The following SLC26A8 variants were observed in gnomAD, a reference collection of about 807,000 sequenced individuals.
SLC26A8 encodes the protein testis anion transporter 1.
Under a neutral mutation model 105.0 loss-of-function variants are expected in SLC26A8, and 70 were observed. The ratio of observed to expected loss-of-function variants is 0.67; its 90% CI spans 0.55 to 0.81. The LOEUF is 0.81. Ranked by LOEUF, SLC26A8 falls within the 40% of genes least tolerant of loss-of-function variation. SLC26A8 has a pLI of 0.00. For missense variants in SLC26A8, 998 were observed against 1,181.8 expected (o/e 0.84, Z 2.28); for synonymous variants, 415 against 438.3 (o/e 0.95, Z 0.66).
intron 3 of SLC26A8, among the ~76,000 whole-genome samples, chr6:36,000,418 C>T (rs1015968073): frequency 8.5e-5 from 13 of 152,154 alleles, no homozygotes; most frequent in African/African-American, 2.4e-4. Flanking sequence ...CTAATTCCAA[C>T]AGCTCAAAAG....
chr6:36,010,238 T>C (rs1453763272), intron 3 of SLC26A8, among the ~76,000 whole-genome samples: 1 of 152,202 alleles, frequency 6.6e-6, no homozygotes, highest in Non-Finnish European at 1.5e-5. Flanking sequence ...ATCCATATAG[T>C]AGAATATTAC....
At chr6:35,953,073 A>G (rs1042769475) in intron 17 of SLC26A8, among the ~76,000 whole-genome samples, 3 of 151,896 alleles carry the variant, frequency 2.0e-5, no homozygotes, top group African/African-American at 7.3e-5. Flanking sequence ...CCAGTTTTCA[A>G]TTATAAAGTA....
chr6:35,987,075 C>T (rs1773550971), intron 7 of SLC26A8, among the ~76,000 whole-genome samples: 1 of 152,134 alleles, frequency 6.6e-6, no homozygotes, highest in Non-Finnish European at 1.5e-5. Flanking sequence ...GAATTAATAG[C>T]TTTTCAAACA....
rs116146081 is a variant in SLC26A8 at position 36,012,349 on chromosome 6, C to T, written c.212G>A (p.Arg71Gln). The T allele has an allele frequency of 1.8e-4, 292 of 1,596,930 alleles. 1 individual carries two copies. Among genetic ancestry groups the T allele is most frequent in the Admixed American group, 3.6e-4 (20 of 55,210 alleles). ...GAAGGGAAAGATTGTAAGCACGCATCGTAGGAACCTGTGCCATGAGCAGCT... is the reference window on the plus strand; with the variant it reads ...GAAGGGAAAGATTGTAAGCACGCATTGTAGGAACCTGTGCCATGAGCAGCT... Reference protein sequence around the residue: ...QCRCSWHRFLRCVLTIFPFLE... With the variant: ...QCRCSWHRFLQCVLTIFPFLE... Residue 71 changes from arginine to glutamine, a missense_variant, in exon 3 of 20, where the codon CGA (arginine) becomes CAA (glutamine). Transcript: ENST00000490799.
At chr6:35,997,629 T>A (rs751546195) in intron 5 of SLC26A8, 109 bp downstream of exon 5, 4 of 1,123,370 alleles carry the variant, frequency 3.6e-6, no homozygotes, top group African/African-American at 1.6e-5. Context: ...AATAAATCAC[T>A]GAAGTTCCAG....
chr6:35,998,565 A>G (rs1761427421), intron 4 of SLC26A8, among the ~76,000 whole-genome samples: 1 of 151,864 alleles, frequency 6.6e-6, no homozygotes, highest in East Asian at 1.9e-4. Flanking sequence ...CAAAAAAAAA[A>G]AAAGAAAAGA....
At chr6:35,946,795 C>G (rs1771692022) in intron 19 of SLC26A8, among the ~76,000 whole-genome samples, 1 of 152,034 alleles carries the variant, frequency 6.6e-6, no homozygotes, top group African/African-American at 2.4e-5. Flanking sequence ...TCAAGCAATC[C>G]TCCTGCCTCA....
At chr6:35,996,547 A>T (rs1163484966) in intron 5 of SLC26A8, among the ~76,000 whole-genome samples, 1 of 151,874 alleles carries the variant, frequency 6.6e-6, no homozygotes, top group Non-Finnish European at 1.5e-5. Flanking sequence ...CATTATTTTT[A>T]TTATTATTAT....
At chr6:36,004,292 T>C (rs1761618534) in intron 3 of SLC26A8, among the ~76,000 whole-genome samples, 1 of 151,844 alleles carries the variant, frequency 6.6e-6, no homozygotes, top group Non-Finnish European at 1.5e-5. Flanking sequence ...GCCAGGCTGG[T>C]CTTGAGCTCC....
intron 7 of SLC26A8, among the ~76,000 whole-genome samples, chr6:35,988,200 C>G (rs185277335): frequency 0.014 from 2,128 of 152,232 alleles, 45 homozygotes; most frequent in Non-Finnish European, 0.02. Context: ...CGTGAGCCAC[C>G]GTGCCCGGCC....
At chr6:35,968,605 GTGTGT>G (rs1562030596) in intron 11 of SLC26A8, among the ~76,000 whole-genome samples, 3,798 of 53,776 alleles carry the variant, frequency 0.071, 218 homozygotes, top group Middle Eastern at 0.085. Context: ...GTGTGTGTGT[GTGTGT>G]ATATATATAT....
At chr6:36,012,412 A>G in intron 2 of SLC26A8, 40 bp from the exon 3 acceptor site, 2 of 1,539,556 alleles carry the variant, frequency 1.3e-6, no homozygotes, top group South Asian at 2.5e-5. Flanking sequence ...AGTTTCTCCA[A>G]AGAAAATGCC....
chr6:35,969,592 A>C (rs1303830019), intron 10 of SLC26A8: 1 of 143,436 alleles, frequency 7.0e-6, no homozygotes, highest in African/African-American at 2.5e-5. Flanking sequence ...GTGAGACTCC[A>C]TCTCAAAAAA....
In SLC26A8 at chr6:35,968,603, GTGTGTGTATATATATATATATATA is replaced by G. The variant is rs1314202922; in HGVS notation, c.1365+250_1365+273del. Reference sequence around the variant, plus strand: ...CATATGTGTGTATGTGTGTGTGTGTGTGTGTGTATATATATATATATATATATATATATATATATATATATATAT... The same window carrying G: ...CATATGTGTGTATGTGTGTGTGTGTGTATATATATATATATATATATATAT... On this transcript the variant is annotated intron_variant, in intron 11 of 19. Transcript: ENST00000490799. 1.5e-3 allele frequency among the ~76,000 whole-genome samples: 78 copies of G among 52,402 alleles called. 2 individuals carry two copies. Among genetic ancestry groups the G allele is most frequent in the African/African-American group, 3.7e-3 (67 of 18,144 alleles). The allele number at this position is 52,402 out of a possible 152,430, so 34.4% of individuals were successfully genotyped here.
At chr6:35,946,926 G>A (rs572879825) in intron 19 of SLC26A8, among the ~76,000 whole-genome samples, 1 of 152,180 alleles carries the variant, frequency 6.6e-6, no homozygotes, top group East Asian at 1.9e-4. Context: ...CTGGCCTCAA[G>A]TGATTCTTCT....
At chr6:35,950,116 T>C (rs1456937037) in intron 19 of SLC26A8, among the ~76,000 whole-genome samples, 4 of 151,782 alleles carry the variant, frequency 2.6e-5, no homozygotes, top group Non-Finnish European at 4.4e-5. Context: ...TCTTAACTGT[T>C]TCAGATGTGG....
chr6:35,966,966 G>A (rs1484035508), intron 11 of SLC26A8, among the ~76,000 whole-genome samples: 1 of 152,156 alleles, frequency 6.6e-6, no homozygotes, highest in Non-Finnish European at 1.5e-5. Context: ...TTAAAATTCT[G>A]CTTCATTTAG....
At chr6:35,991,353 A>T (rs1581672852) in intron 7 of SLC26A8, among the ~76,000 whole-genome samples, 2 of 151,266 alleles carry the variant, frequency 1.3e-5, no homozygotes, top group East Asian at 3.9e-4. Context: ...GCAGTGAGCC[A>T]AGATTGCACC....
chr6:35,952,106 C>T (rs897598149), intron 17 of SLC26A8, among the ~76,000 whole-genome samples: 2 of 152,242 alleles, frequency 1.3e-5, no homozygotes, highest in African/African-American at 2.4e-5. Flanking sequence ...CAAGACAGGA[C>T]GTCTGCAGGA....
Sources: allele counts gnomAD v4.1 joint callset (sites outside exome capture counted in the v4.1 genomes callset), GRCh38; gene constraint gnomAD v4.1.1; transcripts MANE v1.5; gene names NCBI Gene and HGNC (gene_info 2026-07-23, HGNC 2026-07-21).